TFCP2: variants seen among roughly 807,000 people sequenced by gnomAD.
TFCP2 encodes transcription factor CP2.
A neutral mutation model predicts 73.4 loss-of-function variants in TFCP2; 33 were observed. The ratio of observed to expected loss-of-function variants is 0.45; its 90% CI spans 0.34 to 0.60. The LOEUF is 0.60. TFCP2 is among the 20% of genes least tolerant of loss of function. The probability of loss-of-function intolerance (pLI) is 0.01; values close to 1 mark genes in which losing one functional copy is unlikely to be tolerated. For missense variants in TFCP2, 352 were observed against 604.0 expected (o/e 0.58, Z 4.37); for synonymous variants, 193 against 211.6 (o/e 0.91, Z 0.76).
At position 51,106,541 on chromosome 12, in the gene TFCP2, A is replaced by C. The variant is rs1460021124; in HGVS notation, c.901T>G (p.Phe301Val). The C allele has an allele frequency of 1.2e-6, 2 of 1,612,762 alleles. No individual in the cohort carries two copies. The highest frequency in any genetic ancestry group is 1.7e-6 in the Non-Finnish European group (2 of 1,179,542). Residue 301 changes from phenylalanine to valine, a missense_variant, in exon 8 of 15, where the codon TTT (phenylalanine) becomes GTT (valine). This residue lies in a region of TFCP2 where 194 missense variants were observed against 256.3 expected (regional missense o/e 0.76). Coordinates refer to ENST00000257915, the MANE Select transcript of TFCP2 (RefSeq NM_005653.5). ...CAGACTTACCCTTCCCCAAGAGAAA[A>C]ACTGCTATGGGAACTGTTGAAGCCA... ...SPGFNSSHSS[F>V]SLGEGNGSPN...
At chr12:51,130,239 A>AGGC (rs1482327601) in intron 1 of TFCP2, among the ~76,000 whole-genome samples, 6 of 152,224 alleles carry the variant, frequency 3.9e-5, no homozygotes, top group African/African-American at 1.4e-4. Flanking sequence ...TGGGAGAACG[A>AGGC]GGTGGGTGGA....
chr12:51,126,337 A>G (rs1023563864), intron 1 of TFCP2, among the ~76,000 whole-genome samples: 1 of 152,134 alleles, frequency 6.6e-6, no homozygotes, highest in East Asian at 1.9e-4. Context: ...GGAAATCCAC[A>G]CCTCAGCATG....
intron 8 of TFCP2, among the ~76,000 whole-genome samples, chr12:51,105,657 A>C (rs1940217977): frequency 6.6e-6 from 1 of 152,196 alleles, no homozygotes; most frequent in African/African-American, 2.4e-5. Flanking sequence ...TGGTATTCGA[A>C]CTTAGTAATT....
At chr12:51,122,213 C>T (rs1294764071) in intron 1 of TFCP2, among the ~76,000 whole-genome samples, 1 of 149,568 alleles carries the variant, frequency 6.7e-6, no homozygotes, top group Non-Finnish European at 1.5e-5. Flanking sequence ...AGATTAGATG[C>T]AAACCAGTTT....
intron 1 of TFCP2, among the ~76,000 whole-genome samples, chr12:51,159,679 G>C (rs187633952): frequency 6.6e-6 from 1 of 151,832 alleles, no homozygotes; most frequent in Admixed American, 6.6e-5. Flanking sequence ...TTAGAGACAG[G>C]GTATCACTAT....
At chr12:51,131,171 A>C (rs1940936448) in intron 1 of TFCP2, among the ~76,000 whole-genome samples, 1 of 151,164 alleles carries the variant, frequency 6.6e-6, no homozygotes, top group Non-Finnish European at 1.5e-5. Context: ...CTACTAAAAA[A>C]AAAAAAACAA....
chr12:51,124,837 C>T, intron 1 of TFCP2: 1 of 1,264,970 alleles, frequency 7.9e-7, no homozygotes, highest in African/African-American at 1.5e-5. Context: ...GCCCTCTCTG[C>T]TTCCTGCTGA....
Position 51,170,296 on chromosome 12 carries a change from A to G in TFCP2, c.122+2005T>C, listed in dbSNP as rs114462217. ...CCCTGAAAATCACTAAAATATTTAT[A>G]TAACGATAGTATTTTTTTCCAATTT... On this transcript the variant is annotated intron_variant, in intron 1 of 14. Transcript: ENST00000257915. Among the ~76,000 whole-genome samples, 458 of 152,106 alleles carry G rather than the reference A, an allele frequency of 3.0e-3. 2 individuals carry two copies. The highest frequency in any genetic ancestry group is 0.01 in the African/African-American group (429 of 41,478).
At chr12:51,146,214 AG>A (rs1271346544) in intron 1 of TFCP2, among the ~76,000 whole-genome samples, 2 of 151,710 alleles carry the variant, frequency 1.3e-5, no homozygotes, top group Non-Finnish European at 2.9e-5. Context: ...AGGCTAAGGT[AG>A]GAGGACTGCC....
chr12:51,140,449 T>TC (rs547917333), intron 1 of TFCP2, among the ~76,000 whole-genome samples: 4 of 132,128 alleles, frequency 3.0e-5, no homozygotes, highest in Non-Finnish European at 6.6e-5. Context: ...CTTTTTCTTT[T>TC]TTTTTTTTTT....
chr12:51,099,674 G>A lies in TFCP2; in HGVS notation c.1257C>T (p.Asp419=), dbSNP rs1940061054. Residue 419 remains aspartate (D), a synonymous_variant, in exon 12 of 15, where the codon GAC becomes GAT. Transcript: ENST00000257915. ...QQQQQKHEDG[D]SNGTFFVYHA... is the part of the protein sequence containing the mutation. ...ACCTACCGAAGAAAGTACCATTTGA[G>A]TCTCCATCCTCATGCTTCTGCTGCT... 1 of 1,614,072 alleles carries A rather than the reference G, an allele frequency of 6.2e-7. No homozygotes were observed. The highest frequency in any genetic ancestry group is 2.2e-5 in the East Asian group (1 of 44,884).
intron 13 of TFCP2, among the ~76,000 whole-genome samples, chr12:51,096,491 C>T (rs2136955889): frequency 6.6e-6 from 1 of 152,280 alleles, no homozygotes; most frequent in Admixed American, 6.5e-5. Context: ...TCCCAGGATC[C>T]TAATAAGGTG....
chr12:51,161,013 C>T (rs990312293), intron 1 of TFCP2, among the ~76,000 whole-genome samples: 8 of 152,174 alleles, frequency 5.3e-5, no homozygotes, highest in African/African-American at 1.9e-4. Context: ...ACACCCCCGA[C>T]TGAAGTTGCC....
chr12:51,152,425 T>C (rs1224462210), intron 1 of TFCP2, among the ~76,000 whole-genome samples: 1 of 152,316 alleles, frequency 6.6e-6, no homozygotes, highest in East Asian at 1.9e-4. Context: ...TGGATATTCT[T>C]TTACTATAAT....
chr12:51,142,481 A>G (rs1394848646), intron 1 of TFCP2, among the ~76,000 whole-genome samples: 1 of 152,052 alleles, frequency 6.6e-6, no homozygotes. Flanking sequence ...CTACAAACCT[A>G]TATGCCCTTG....
chr12:51,103,762 T>G lies in TFCP2; in HGVS notation c.968A>C (p.Asn323Thr). 1.2e-6 allele frequency: 2 copies of G among 1,612,106 alleles called. No homozygotes were observed. Among genetic ancestry groups the G allele is most frequent in the South Asian group, 2.2e-5 (2 of 90,654 alleles). Residue 323 changes from asparagine to threonine, a missense_variant and splice_region_variant, in exon 10 of 15, where the codon AAC (asparagine) becomes ACC (threonine). Physicochemically the swap from Asn to Thr is moderately conservative, Grantham distance 65 (BLOSUM62 0). Transcript: ENST00000257915. ...QPEPPPPVTDNLLPTTTPQEA... is the reference protein window; with the variant it reads ...QPEPPPPVTDTLLPTTTPQEA... ...CTGAGGTGTGGTTGTTGGTAAGAGGTTCTGAAAGGGAGAGCACGTTTTTTA... is the reference window on the plus strand; with the variant it reads ...CTGAGGTGTGGTTGTTGGTAAGAGGGTCTGAAAGGGAGAGCACGTTTTTTA...
intron 1 of TFCP2, among the ~76,000 whole-genome samples, chr12:51,136,712 G>A (rs755959039): frequency 6.6e-6 from 1 of 152,086 alleles, no homozygotes; most frequent in East Asian, 1.9e-4. Context: ...AAGGCAAGTC[G>A]ATCACTTGAG....
At chr12:51,110,414 C>T (rs1400121039) in intron 5 of TFCP2, among the ~76,000 whole-genome samples, 2 of 152,006 alleles carry the variant, frequency 1.3e-5, no homozygotes, top group Admixed American at 1.3e-4. Flanking sequence ...ACCAAAAATA[C>T]AAAAATTAGC....
At chr12:51,160,169 CCT>C (rs1284277478) in intron 1 of TFCP2, among the ~76,000 whole-genome samples, 2 of 147,764 alleles carry the variant, frequency 1.4e-5, no homozygotes, top group African/African-American at 2.5e-5. Context: ...GGAGTCTCAC[CCT>C]GTCACCCAGG....
Sources: gnomAD v4.1 joint callset for allele counts (sites outside exome capture counted in the v4.1 genomes callset) on GRCh38, gnomAD v4.1.1 for gene constraint, gnomAD v4.1.1 regional missense constraint, MANE v1.5 for transcripts, NCBI Gene and HGNC (gene_info 2026-07-23, HGNC 2026-07-21) for gene names.